Variants in ROBO1 observed in about 807,000 individuals in gnomAD.
The protein encoded by ROBO1 is roundabout homolog 1.
In ROBO1, 149 loss-of-function variants were observed where a neutral mutation model predicts 195.9. That is an observed-to-expected ratio of 0.76 (90% CI 0.67 to 0.87). The LOEUF (loss-of-function observed/expected upper bound fraction) is 0.87. ROBO1 is among the 40% of genes least tolerant of loss of function. The pLI is 0.00. For synonymous variants in ROBO1, 816 were observed against 733.2 expected (o/e 1.11, Z -1.82); for missense variants, 1,933 against 2,068.3 (o/e 0.93, Z 1.27).
chr3:79,082,305 T>G (rs1209699312), intron 3 of ROBO1, among the ~76,000 whole-genome samples: 1 of 152,162 alleles, frequency 6.6e-6, no homozygotes, highest in Admixed American at 6.6e-5. Context: ...TCCAGAAAAG[T>G]CATATATTGT....
At chr3:78,769,948 A>G (rs980742243) in intron 4 of ROBO1, among the ~76,000 whole-genome samples, 2 of 152,096 alleles carry the variant, frequency 1.3e-5, no homozygotes, top group East Asian at 1.9e-4. Context: ...GAAATCTGCT[A>G]TTAATCTGAT....
intron 1 of ROBO1, among the ~76,000 whole-genome samples, chr3:79,674,561 C>G (rs188357180): frequency 4.6e-5 from 7 of 151,964 alleles, no homozygotes; most frequent in Admixed American, 4.6e-4. Flanking sequence ...TGTTCATATC[C>G]TTCCTGAACT....
At chr3:78,820,970 A>C (rs2108678101) in intron 4 of ROBO1, among the ~76,000 whole-genome samples, 1 of 152,294 alleles carries the variant, frequency 6.6e-6, no homozygotes, top group Admixed American at 6.5e-5. Context: ...GTTTCTAATT[A>C]CCAAGAAACT....
chr3:79,300,371 C>T (rs559286268), intron 2 of ROBO1, among the ~76,000 whole-genome samples: 78 of 152,348 alleles, frequency 5.1e-4, no homozygotes, highest in Non-Finnish European at 6.2e-4. Context: ...AGGCCAGCAG[C>T]TGCGGAGCGT....
At chr3:79,711,150 G>C (rs1702259385) in intron 1 of ROBO1, among the ~76,000 whole-genome samples, 1 of 152,076 alleles carries the variant, frequency 6.6e-6, no homozygotes, top group Non-Finnish European at 1.5e-5. Flanking sequence ...TGTGAGTCCT[G>C]AAGGGGCATA....
intron 3 of ROBO1, among the ~76,000 whole-genome samples, chr3:79,025,615 T>A (rs1190211219): frequency 6.8e-6 from 1 of 146,228 alleles, no homozygotes; most frequent in African/African-American, 2.6e-5. Flanking sequence ...CTCTAATATA[T>A]AGTTCAACCA....
At chr3:79,165,754 T>C (rs1039414309) in intron 2 of ROBO1, among the ~76,000 whole-genome samples, 1 of 152,206 alleles carries the variant, frequency 6.6e-6, no homozygotes, top group Non-Finnish European at 1.5e-5. Flanking sequence ...GTGATGGTTC[T>C]TTTGATATGT....
chr3:79,497,514 C>A (rs1939814050), intron 2 of ROBO1, among the ~76,000 whole-genome samples: 1 of 152,024 alleles, frequency 6.6e-6, no homozygotes, highest in Non-Finnish European at 1.5e-5. Context: ...ACAATATTAT[C>A]TTTTATAAGT....
At chr3:78,675,766 C>T (rs1708382934) in intron 10 of ROBO1, among the ~76,000 whole-genome samples, 1 of 152,158 alleles carries the variant, frequency 6.6e-6, no homozygotes, top group Non-Finnish European at 1.5e-5. Context: ...AACAAAAAGA[C>T]AGCAGTAACC....
chr3:79,089,970 T>A (rs1183317958), intron 3 of ROBO1, among the ~76,000 whole-genome samples: 1 of 151,274 alleles, frequency 6.6e-6, no homozygotes, highest in Admixed American at 6.6e-5. Flanking sequence ...GACGGAGTCT[T>A]CCTCTGTTGC....
chr3:79,251,174 TA>T (rs1383524631), intron 2 of ROBO1, among the ~76,000 whole-genome samples: 1 of 152,100 alleles, frequency 6.6e-6, no homozygotes, highest in African/African-American at 2.4e-5. Flanking sequence ...ATTACCCAAT[TA>T]AAAAGAGCAA....
At chr3:78,844,939 G>C (rs2033550360) in intron 4 of ROBO1, among the ~76,000 whole-genome samples, 1 of 151,990 alleles carries the variant, frequency 6.6e-6, no homozygotes, top group African/African-American at 2.4e-5. Context: ...TTGTGGATTT[G>C]AAGACATATG....
chr3:78,766,376 C>T (rs1191172296), intron 4 of ROBO1, among the ~76,000 whole-genome samples: 1 of 152,016 alleles, frequency 6.6e-6, no homozygotes, highest in Non-Finnish European at 1.5e-5. Flanking sequence ...GCTTTAGTAC[C>T]CCAACCCCAA....
At chr3:79,032,980 A>G (rs961176177) in intron 3 of ROBO1, among the ~76,000 whole-genome samples, 1 of 152,112 alleles carries the variant, frequency 6.6e-6, no homozygotes, top group African/African-American at 2.4e-5. Context: ...TAAATATGGA[A>G]GATGACACAG....
chr3:79,014,642 T>A (rs2108233147), intron 3 of ROBO1, among the ~76,000 whole-genome samples: 1 of 152,312 alleles, frequency 6.6e-6, no homozygotes, highest in East Asian at 1.9e-4. Flanking sequence ...GACTTCTGCT[T>A]TTTATTTCTT....
chr3:79,055,223 C>T lies in ROBO1; in HGVS notation c.172+70233G>A, dbSNP rs62257538. 5.3e-5 allele frequency among the ~76,000 whole-genome samples: 8 copies of T among 152,190 alleles called. No homozygotes were observed. The East Asian group carries it at 1.2e-3, about 22-fold the overall frequency. On this transcript the variant is annotated intron_variant, in intron 3 of 30. Transcript: ENST00000464233. ...TCGTGTCTGCCAAGGTTCCTGTTTC[C>T]GTTCCGGCCAGTGAGTCAATTGCTC...
At chr3:79,671,750 G>A (rs779333220) in intron 1 of ROBO1, among the ~76,000 whole-genome samples, 8 of 151,772 alleles carry the variant, frequency 5.3e-5, no homozygotes, top group African/African-American at 1.5e-4. Flanking sequence ...AAAATCATCC[G>A]TGTATTCTAT....
At chr3:79,702,976 C>T (rs1303753731) in intron 1 of ROBO1, among the ~76,000 whole-genome samples, 1 of 151,888 alleles carries the variant, frequency 6.6e-6, no homozygotes, top group Non-Finnish European at 1.5e-5. Flanking sequence ...AGGACTTTTA[C>T]TGAGATCATG....
chr3:79,461,355 G>C (rs1937628866), intron 2 of ROBO1, among the ~76,000 whole-genome samples: 1 of 151,970 alleles, frequency 6.6e-6, no homozygotes, highest in Non-Finnish European at 1.5e-5. Context: ...TTCCCATCTT[G>C]GCCTTTTGCA....
Sources: gnomAD v4.1 joint callset for allele counts (sites outside exome capture counted in the v4.1 genomes callset) on GRCh38, gnomAD v4.1.1 for gene constraint, MANE v1.5 for transcripts, NCBI Gene and HGNC (gene_info 2026-07-23, HGNC 2026-07-21) for gene names.